The following TMEM270 variants were observed in gnomAD, a reference collection of about 807,000 sequenced individuals.
TMEM270 encodes transmembrane protein 270, also known as Williams-Beuren syndrome chromosome region 28.
A neutral mutation model predicts 29.9 loss-of-function variants in TMEM270; 30 were observed. The observed-to-expected ratio is 1.00, with a 90% CI of 0.75 to 1.36. The LOEUF is 1.36. TMEM270 is among the 40% of genes most tolerant of loss of function. The pLI is 0.00. For missense variants in TMEM270, 313 were observed against 307.1 expected (o/e 1.02, Z -0.14); for synonymous variants, 135 against 139.8 (o/e 0.97, Z 0.24).
intron 1 of TMEM270, among the ~76,000 whole-genome samples, chr7:73,863,287 A>G (rs1317948487): frequency 6.6e-6 from 1 of 151,790 alleles, no homozygotes; most frequent in Non-Finnish European, 1.5e-5. Flanking sequence ...GGTCTCCAGG[A>G]CTCAAGAACA....
chr7:73,864,450 A>C (rs1158856583), intron 1 of TMEM270, among the ~76,000 whole-genome samples: 1 of 152,090 alleles, frequency 6.6e-6, no homozygotes, highest in Admixed American at 6.6e-5. Context: ...TATCCAATGG[A>C]AAGGAACCCA....
In TMEM270 at chr7:73,862,872, G is replaced by GAA. The variant is rs71082281; in HGVS notation, c.72+1632_72+1633dup. Among the ~76,000 whole-genome samples the GAA allele has an allele frequency of 8.8e-3, 386 of 44,102 alleles. 34 individuals carry two copies. The highest frequency in any genetic ancestry group is 0.023 in the African/African-American group (244 of 10,660). 28.9% of individuals were successfully genotyped at this position (44,102 alleles called of 152,430 possible). A position where few individuals can be genotyped will look rare whatever the true frequency, so the allele number is the denominator to read the frequency against. ...GCAACAAGAGCAAAACCCTGTCTCA[G>GAA]AAAAAAAAAAAAAAAAAAAAAAAAA... On this transcript the variant is annotated intron_variant, in intron 1 of 2. Transcript: ENST00000320531.
Position 73,865,156 on chromosome 7 carries a change from CT to C in TMEM270, c.237del (p.Leu81TrpfsTer3). 2 of 1,611,542 alleles carry C rather than the reference CT, an allele frequency of 1.2e-6. No homozygotes were observed. The highest frequency in any genetic ancestry group is 3.3e-5 in the Admixed American group (2 of 59,942). On this transcript the variant is annotated frameshift_variant, in exon 2 of 3. Coordinates refer to ENST00000320531, the MANE Select transcript of TMEM270 (RefSeq NM_182504.4). LOFTEE classifies it high-confidence loss of function. Reference protein sequence around the residue: ...AACPLGQALWAGLALIQVPVW... With the variant: ...AACPLGQALWXGLALIQVPVW... Reference sequence around the variant, plus strand: ...TGCCCCCTGGGCCAGGCTCTCTGGGCTGGGCTGGCTCTGATACAGGTCCCCG... The same window carrying C: ...TGCCCCCTGGGCCAGGCTCTCTGGGCGGGCTGGCTCTGATACAGGTCCCCG...
At chr7:73,863,392 CTT>C (rs34629826) in intron 1 of TMEM270, among the ~76,000 whole-genome samples, 21 of 141,950 alleles carry the variant, frequency 1.5e-4, no homozygotes, top group Admixed American at 1.4e-4. Flanking sequence ...ATCTGGAATT[CTT>C]TTTTTTTTTT....
intron 1 of TMEM270, among the ~76,000 whole-genome samples, chr7:73,864,422 C>G (rs1288714714): frequency 2.0e-5 from 3 of 151,956 alleles, no homozygotes; most frequent in Non-Finnish European, 4.4e-5. Flanking sequence ...GAGTGAGATC[C>G]TGTTTCTTAA....
chr7:73,861,287 A>AG, intron 1 of TMEM270, 21 bp downstream of exon 1: 1 of 800,316 alleles, frequency 1.2e-6, no homozygotes, highest in Non-Finnish European at 2.0e-6. Context: ...GCTGGGGGTA[A>AG]GTGGGGTGGG....
Position 73,865,350 on chromosome 7 carries a change from C to T in TMEM270, c.430C>T (p.Leu144Phe). The stretch of plus-strand genomic sequence containing the variant: ...GCACGGCCTGATGTTGGTGGCCTTG[C>T]TCTTGGTGGTAGTGACCTGGAGGGT... ...CLHGLMLVAL[L>F]LVVVTWRVCQ... Residue 144 changes from leucine to phenylalanine, a missense_variant, in exon 2 of 3, where the codon CTC becomes TTC. Physicochemically the swap from Leu to Phe is conservative, Grantham distance 22. Coordinates refer to ENST00000320531, the MANE Select transcript of TMEM270 (RefSeq NM_182504.4). The T allele has an allele frequency of 1.9e-6, 3 of 1,613,738 alleles. No individual in the cohort carries two copies. The highest frequency in any genetic ancestry group is 2.5e-6 in the Non-Finnish European group (3 of 1,179,998).
rs146555395 is a variant in TMEM270 at position 73,861,168 on chromosome 7, A to G, written c.-27A>G. 3,103 of 1,612,406 alleles carry G rather than the reference A, an allele frequency of 1.9e-3. 39 individuals carry two copies. The African/African-American group carries it at 0.026, about 14-fold the overall frequency. On this transcript the variant is annotated 5_prime_UTR_variant, in exon 1 of 3. Transcript: ENST00000320531. ...TCTGTGAGGTCACCCTGCTTCTCCC[A>G]GCTGGAGTAGGTGGGGGAGGCCAGA...
At chr7:73,862,626 C>T (rs764735877) in intron 1 of TMEM270, among the ~76,000 whole-genome samples, 15 of 151,448 alleles carry the variant, frequency 9.9e-5, no homozygotes, top group African/African-American at 1.5e-4. Context: ...TTTGGGAGGC[C>T]GAGGCGGGCA....
At chr7:73,863,635 C>A (rs1788834533) in intron 1 of TMEM270, among the ~76,000 whole-genome samples, 1 of 152,170 alleles carries the variant, frequency 6.6e-6, no homozygotes, top group Admixed American at 6.5e-5. Context: ...GGTGATCCGT[C>A]TGCTTCGGCC....
At chr7:73,863,599 A>G (rs1053699442) in intron 1 of TMEM270, among the ~76,000 whole-genome samples, 6 of 152,132 alleles carry the variant, frequency 3.9e-5, no homozygotes, top group Admixed American at 1.3e-4. Flanking sequence ...CAGGTTGACC[A>G]GGCTGGTCTC....
intron 1 of TMEM270, chr7:73,861,659 C>T (rs114794078): frequency 6.2e-5 from 20 of 321,400 alleles, no homozygotes; most frequent in Non-Finnish European, 1.0e-4. Flanking sequence ...GTTGCCCAGG[C>T]GGGTCTCCAA....
chr7:73,861,772 C>T (rs1449959191), intron 1 of TMEM270, among the ~76,000 whole-genome samples: 1 of 151,626 alleles, frequency 6.6e-6, no homozygotes, highest in African/African-American at 2.4e-5. Context: ...AGGGTCACTC[C>T]TATGGGTGAA....
Position 73,864,998 on chromosome 7 carries a change from T to A in TMEM270, c.78T>A (p.Val26=). Residue 26 remains valine (V), a synonymous_variant, in exon 2 of 3, where the codon GTT becomes GTA. Transcript: ENST00000320531. ...CTCTCTCTCTTCTTCTGCAGTTGGT[T>A]CAGAACCGAGATCACCTCTATAATT... The part of the protein sequence containing the change: ...LQVTRLSVLL[V]QNRDHLYNFL... 6.7e-7 allele frequency: 1 copy of A among 1,498,574 alleles called. No individual in the cohort carries two copies. Among genetic ancestry groups the A allele is most frequent in the Non-Finnish European group, 8.9e-7 (1 of 1,122,126 alleles). 92.8% of individuals were successfully genotyped at this position (1,498,574 alleles called of 1,614,324 possible).
At chr7:73,861,085 C>T (rs1788763265), upstream of TMEM270, 4 of 1,021,844 alleles carry the variant, frequency 3.9e-6, no homozygotes, top group East Asian at 4.8e-5. Flanking sequence ...CAGGTAAAGG[C>T]AGTGGGTCAC....
Position 73,865,097 on chromosome 7 carries a change from C to T in TMEM270, c.177C>T (p.Asn59=), listed in dbSNP as rs782171963. Residue 59 remains asparagine, a synonymous_variant, in exon 2 of 3, where the codon AAC becomes AAT. Coordinates refer to ENST00000320531, the MANE Select transcript of TMEM270 (RefSeq NM_182504.4). ...CCCAGGAGGCCCGGGGGTCCTGTAACTGGCAGGCCCACCTACCCCTGGGAG... is the reference window on the plus strand; with the variant it reads ...CCCAGGAGGCCCGGGGGTCCTGTAATTGGCAGGCCCACCTACCCCTGGGAG... ...GLAQEARGSC[N]WQAHLPLGAA... is the part of the protein sequence containing the mutation. 3 of 1,570,788 alleles carry T rather than the reference C, an allele frequency of 1.9e-6. No individual in the cohort carries two copies. Among genetic ancestry groups the T allele is most frequent in the Non-Finnish European group, 1.7e-6 (2 of 1,157,748 alleles).
At chr7:73,862,423 C>T (rs1788809020) in intron 1 of TMEM270, among the ~76,000 whole-genome samples, 1 of 151,296 alleles carries the variant, frequency 6.6e-6, no homozygotes, top group East Asian at 2.0e-4. Context: ...CTCTTTTAAA[C>T]ATACACATGC....
At chr7:73,861,065 C>A, upstream of TMEM270, 3 of 825,396 alleles carry the variant, frequency 3.6e-6, no homozygotes, top group Non-Finnish European at 6.2e-6. Context: ...AGCAGTGGAG[C>A]GGCAGGAGCC....
Position 73,865,204 on chromosome 7 carries a change from C to A in TMEM270, c.284C>A (p.Pro95His), listed in dbSNP as rs367643936. Residue 95 changes from proline (P) to histidine (H), a missense_variant, in exon 2 of 3, where the codon CCC becomes CAC. Physicochemically the swap from Pro to His is moderately conservative, Grantham distance 77. Transcript: ENST00000320531. ...QVPVWLVLQG[P>H]RLMWAGMWGS... ...CCCGTATGGCTGGTGCTACAGGGAC[C>A]CAGGCTGATGTGGGCTGGCATGTGG... The A allele has an allele frequency of 6.2e-6, 10 of 1,613,682 alleles. No homozygotes were observed. The highest frequency in any genetic ancestry group is 1.7e-5 in the Admixed American group (1 of 59,994).
Sources: gnomAD v4.1 joint callset for allele counts (sites outside exome capture counted in the v4.1 genomes callset) on GRCh38, gnomAD v4.1.1 for gene constraint, MANE v1.5 for transcripts, NCBI Gene and HGNC (gene_info 2026-07-23, HGNC 2026-07-21) for gene names.